The following TBC1D5 variants were observed in gnomAD, a reference collection of about 807,000 sequenced individuals.
The protein encoded by TBC1D5 is TBC1 domain family member 5.
TBC1D5 carries 75 observed loss-of-function variants against 100.3 expected under a neutral mutation model. The ratio of observed to expected loss-of-function variants is 0.75; its 90% confidence interval spans 0.62 to 0.91. The LOEUF (loss-of-function observed/expected upper bound fraction) is 0.91, where lower values mean the gene tolerates loss of function less well. Among genes scored for constraint, TBC1D5 ranks in the 40% least tolerant of loss-of-function variants. The probability of loss-of-function intolerance (pLI) is 0.00; values close to 1 mark genes in which losing one functional copy is unlikely to be tolerated. For missense variants in TBC1D5, 910 were observed against 942.4 expected, an observed-to-expected ratio of 0.97 and a Z score of 0.45; for synonymous variants, 323 against 325.6, an observed-to-expected ratio of 0.99 and a Z score of 0.09.
chr3:17,177,377 G>C (rs1301203019), intron 19 of TBC1D5, among the ~76,000 whole-genome samples: 1 of 152,142 alleles, frequency 6.6e-6, no homozygotes, highest in African/African-American at 2.4e-5. Flanking sequence ...AAACCAGGGG[G>C]AAACAACTTC....
chr3:17,652,962 T>C (rs1314679997), intron 1 of TBC1D5, among the ~76,000 whole-genome samples: 1 of 152,192 alleles, frequency 6.6e-6, no homozygotes, highest in Non-Finnish European at 1.5e-5. Context: ...CGACATATTG[T>C]TCAGCCATAA....
intron 1 of TBC1D5, chr3:17,706,186 G>C (rs2074137041): frequency 6.4e-7 from 1 of 1,559,520 alleles, no homozygotes; most frequent in Admixed American, 1.9e-5. Context: ...CGCTCGAAGG[G>C]CCTCTTCTCC....
intron 10 of TBC1D5, among the ~76,000 whole-genome samples, chr3:17,375,377 G>C (rs902346603): frequency 6.6e-6 from 1 of 151,872 alleles, no homozygotes; most frequent in Non-Finnish European, 1.5e-5. Context: ...GACCATCCTG[G>C]CCAACATGGT....
intron 2 of TBC1D5, among the ~76,000 whole-genome samples, chr3:17,620,045 T>C (rs757207429): frequency 2.0e-5 from 3 of 152,188 alleles, no homozygotes; most frequent in Non-Finnish European, 2.9e-5. Context: ...AGCACTCTCA[T>C]ACACTGCAGC....
At chr3:17,431,054 G>T (rs554696531) in intron 3 of TBC1D5, among the ~76,000 whole-genome samples, 7 of 152,008 alleles carry the variant, frequency 4.6e-5, no homozygotes, top group African/African-American at 1.7e-4. Context: ...TAATTTGGAG[G>T]TAAGTATAAT....
intron 17 of TBC1D5, among the ~76,000 whole-genome samples, chr3:17,230,319 C>A (rs144662484): frequency 6.6e-6 from 1 of 152,246 alleles, no homozygotes; most frequent in East Asian, 1.9e-4. Context: ...GAGAAAGTCA[C>A]CTCCAAACAA....
At chr3:17,567,312 C>T (rs964210920) in intron 2 of TBC1D5, among the ~76,000 whole-genome samples, 36 of 151,720 alleles carry the variant, frequency 2.4e-4, no homozygotes, top group Non-Finnish European at 4.6e-4. Context: ...AGACCACTCA[C>T]TAATAAAGTG....
intron 3 of TBC1D5, among the ~76,000 whole-genome samples, chr3:17,465,712 G>A (rs1428594213): frequency 6.6e-6 from 1 of 152,202 alleles, no homozygotes; most frequent in Non-Finnish European, 1.5e-5. Flanking sequence ...CAGGGTATAT[G>A]TGCTGTTCTC....
intron 2 of TBC1D5, among the ~76,000 whole-genome samples, chr3:17,600,541 T>C (rs1192331007): frequency 2.6e-5 from 4 of 152,292 alleles, no homozygotes; most frequent in Admixed American, 2.0e-4. Context: ...CGCAGTAAAA[T>C]GTTTAAAAAT....
intron 18 of TBC1D5, among the ~76,000 whole-genome samples, chr3:17,208,057 T>TGGG (rs2072461747): frequency 6.6e-6 from 1 of 152,234 alleles, no homozygotes; most frequent in African/African-American, 2.4e-5. Flanking sequence ...TTTTTGAGGA[T>TGGG]ATGGAATATC....
chr3:17,663,901 T>C (rs900595416), intron 1 of TBC1D5, among the ~76,000 whole-genome samples: 2 of 152,330 alleles, frequency 1.3e-5, no homozygotes, highest in South Asian at 2.1e-4. Context: ...GCTCACAATA[T>C]ACTATTAAAT....
At chr3:17,433,020 T>C (rs911627557) in intron 3 of TBC1D5, among the ~76,000 whole-genome samples, 1 of 115,652 alleles carries the variant, frequency 8.6e-6, no homozygotes, top group African/African-American at 4.2e-5. Context: ...GTGTTTACAC[T>C]TGCCCTTGCC....
chr3:17,638,847 TA>T (rs1168917802), intron 1 of TBC1D5, among the ~76,000 whole-genome samples: 2 of 151,880 alleles, frequency 1.3e-5, no homozygotes, highest in African/African-American at 4.8e-5. Flanking sequence ...GAATATATAA[TA>T]AAAAATACAG....
Position 17,705,941 on chromosome 3 carries a change from A to C in TBC1D5, c.-101+33402T>G, listed in dbSNP as rs936812392. On this transcript the variant is annotated intron_variant, in intron 1 of 21. Coordinates refer to ENST00000253692, the Ensembl canonical transcript of TBC1D5. The stretch of plus-strand genomic sequence containing the variant: ...GCCCGCGGGGCCCGTCCGCTCCTCC[A>C]GCCGCTGCCTCCCGGGCGGCGCTCC... 453 of 1,218,930 alleles carry C rather than the reference A, an allele frequency of 3.7e-4. 1 individual carries two copies. The highest frequency in any genetic ancestry group is 4.6e-4 in the Non-Finnish European group (413 of 893,674). 75.5% of individuals were successfully genotyped at this position (1,218,930 alleles called of 1,614,324 possible).
chr3:17,362,191 C>T (rs1242961719), intron 13 of TBC1D5, among the ~76,000 whole-genome samples: 1 of 152,016 alleles, frequency 6.6e-6, no homozygotes, highest in African/African-American at 2.4e-5. Flanking sequence ...CTATGAAACA[C>T]AAAACATAAT....
At chr3:17,648,260 G>A (rs2065192678) in intron 1 of TBC1D5, among the ~76,000 whole-genome samples, 1 of 151,864 alleles carries the variant, frequency 6.6e-6, no homozygotes, top group African/African-American at 2.4e-5. Context: ...AATGGTGCTG[G>A]GATGACTAGC....
At chr3:17,516,394 G>T (rs977211617) in intron 2 of TBC1D5, among the ~76,000 whole-genome samples, 2 of 151,940 alleles carry the variant, frequency 1.3e-5, no homozygotes, top group African/African-American at 4.8e-5. Flanking sequence ...AAGAAAGAAA[G>T]AATTCATGAA....
At chr3:17,309,357 GATT>G (rs1306473027) in intron 13 of TBC1D5, among the ~76,000 whole-genome samples, 1 of 151,782 alleles carries the variant, frequency 6.6e-6, no homozygotes, top group Admixed American at 6.6e-5. Flanking sequence ...AGAATAATTA[GATT>G]ATATTTTCAA....
intron 21 of TBC1D5, 27 bp downstream of exon 22, chr3:17,166,740 G>A (rs767170178): frequency 1.9e-6 from 3 of 1,588,702 alleles, no homozygotes; most frequent in Admixed American, 3.7e-5. Flanking sequence ...TTGAGTTAAT[G>A]TAACATGTTC....
Sources: allele counts gnomAD v4.1 joint callset (sites outside exome capture counted in the v4.1 genomes callset), GRCh38; gene constraint gnomAD v4.1.1; transcripts MANE v1.5; gene names NCBI Gene and HGNC (gene_info 2026-07-23, HGNC 2026-07-21).